The following TMEM117 variants were observed in gnomAD, a reference collection of about 807,000 sequenced individuals.
TMEM117 encodes the protein transmembrane protein 117.
A neutral mutation model predicts 52.4 loss-of-function variants in TMEM117; 27 were observed. That is an observed-to-expected ratio of 0.51 (90% CI 0.38 to 0.71). The LOEUF (loss-of-function observed/expected upper bound fraction) is 0.71. Ranked by LOEUF, TMEM117 falls within the 30% of genes least tolerant of loss-of-function variation. TMEM117 has a pLI of 0.00. For missense variants in TMEM117, 556 were observed against 630.5 expected (o/e 0.88, Z 1.26); for synonymous variants, 215 against 206.3 (o/e 1.04, Z -0.36).
At chr12:44,241,024 G>T (rs1287524679) in intron 5 of TMEM117, among the ~76,000 whole-genome samples, 2 of 151,952 alleles carry the variant, frequency 1.3e-5, no homozygotes, top group African/African-American at 4.8e-5. Context: ...CAGAGCCCTT[G>T]TGGATACCAA....
At chr12:43,806,424 C>G in the TMEM117 span, 1 of 1,138,448 alleles carries the variant, frequency 8.8e-7, no homozygotes. Context: ...CGCCGCCCTT[C>G]CTGGCCGCCG....
At chr12:43,888,543 C>CTTTTTT (rs147186370) in intron 2 of TMEM117, among the ~76,000 whole-genome samples, 17 of 92,172 alleles carry the variant, frequency 1.8e-4, no homozygotes, top group African/African-American at 4.9e-4. Context: ...CATTAGTTTT[C>CTTTTTT]TTTTTTTTTT....
At chr12:44,158,502 A>G (rs1267112249) in intron 4 of TMEM117, among the ~76,000 whole-genome samples, 1 of 152,186 alleles carries the variant, frequency 6.6e-6, no homozygotes, top group Non-Finnish European at 1.5e-5. Flanking sequence ...GGCTAAAAAT[A>G]TAGTTTGACA....
At chr12:44,182,796 A>T (rs1304325254) in intron 4 of TMEM117, among the ~76,000 whole-genome samples, 1 of 152,136 alleles carries the variant, frequency 6.6e-6, no homozygotes, top group Non-Finnish European at 1.5e-5. Context: ...TGATTGGCAA[A>T]AGTGTGATGA....
chr12:43,800,201 T>G, the TMEM117 span, among the ~76,000 whole-genome samples: 1 of 152,210 alleles, frequency 6.6e-6, no homozygotes, highest in East Asian at 1.9e-4. Flanking sequence ...CCATATACTT[T>G]AGAAGAATCA....
chr12:43,852,965 C>G (rs1444152337), intron 2 of TMEM117, among the ~76,000 whole-genome samples: 1 of 152,192 alleles, frequency 6.6e-6, no homozygotes, highest in African/African-American at 2.4e-5. Context: ...TTAGCTGAAA[C>G]TGGAGTGGTT....
intron 2 of TMEM117, among the ~76,000 whole-genome samples, chr12:43,851,437 C>G (rs1037707652): frequency 6.6e-6 from 1 of 151,936 alleles, no homozygotes; most frequent in Non-Finnish European, 1.5e-5. Context: ...TCCAGTACCT[C>G]TCTCTCTCAT....
intron 6 of TMEM117, 93 bp from the exon 7 acceptor site, chr12:44,376,502 T>A: frequency 2.7e-6 from 4 of 1,468,868 alleles, no homozygotes; most frequent in Non-Finnish European, 9.4e-7. Context: ...TAAATGATTT[T>A]AAAATAAGTG....
At chr12:43,808,972 GAAAAC>G in the TMEM117 span, among the ~76,000 whole-genome samples, 21,485 of 151,968 alleles carry the variant, frequency 0.14, 1,626 homozygotes, top group African/African-American at 0.19. Context: ...AATTATGTAG[GAAAAC>G]AAAACAAAAA....
At chr12:44,038,513 C>T (rs150997483) in intron 3 of TMEM117, among the ~76,000 whole-genome samples, 19 of 152,334 alleles carry the variant, frequency 1.2e-4, no homozygotes, top group Non-Finnish European at 2.6e-4. Context: ...TCACACACCC[C>T]TCACCACTCG....
chr12:43,942,007 A>G (rs1443084274), intron 2 of TMEM117, among the ~76,000 whole-genome samples: 1 of 152,270 alleles, frequency 6.6e-6, no homozygotes, highest in Non-Finnish European at 1.5e-5. Flanking sequence ...AAAGAAATTT[A>G]CATTTAAATC....
At chr12:44,392,623 T>C (rs543564471), downstream of TMEM117, among the ~76,000 whole-genome samples, 52 of 151,894 alleles carry the variant, frequency 3.4e-4, no homozygotes, top group Admixed American at 6.6e-4. Context: ...GCTGCACCCA[T>C]TAACTCGTCA....
intron 2 of TMEM117, among the ~76,000 whole-genome samples, chr12:43,860,104 A>G (rs1943464365): frequency 6.6e-6 from 1 of 152,192 alleles, no homozygotes; most frequent in South Asian, 2.1e-4. Flanking sequence ...TACACGTGCC[A>G]TGGTGGTTTG....
intron 3 of TMEM117, among the ~76,000 whole-genome samples, chr12:43,962,032 T>C (rs1403769844): frequency 2.0e-5 from 3 of 152,124 alleles, no homozygotes; most frequent in African/African-American, 7.2e-5. Context: ...GTTAACAGAG[T>C]CCTATTAAGA....
intron 6 of TMEM117, among the ~76,000 whole-genome samples, chr12:44,348,556 T>C (rs1345378853): frequency 6.6e-6 from 1 of 152,038 alleles, no homozygotes; most frequent in Non-Finnish European, 1.5e-5. Flanking sequence ...ATTTGCTATC[T>C]CAGAACTGTA....
intron 7 of TMEM117, among the ~76,000 whole-genome samples, chr12:44,377,268 G>T (rs1951955298): frequency 6.6e-6 from 1 of 152,126 alleles, no homozygotes; most frequent in African/African-American, 2.4e-5. Flanking sequence ...TCACCACATA[G>T]AACTCAGTAT....
At chr12:44,004,345 C>T (rs552733169) in intron 3 of TMEM117, among the ~76,000 whole-genome samples, 5 of 152,248 alleles carry the variant, frequency 3.3e-5, no homozygotes, top group East Asian at 3.9e-4. Context: ...TCTAGTACAT[C>T]CTTGAATTTT....
At chr12:43,972,423 A>G (rs1157130675) in intron 3 of TMEM117, among the ~76,000 whole-genome samples, 1 of 152,320 alleles carries the variant, frequency 6.6e-6, no homozygotes, top group East Asian at 1.9e-4. Context: ...CCAAAGAGTG[A>G]GCAGCAGCAG....
At chr12:43,965,530 G>A (rs1945470217) in intron 3 of TMEM117, among the ~76,000 whole-genome samples, 1 of 152,222 alleles carries the variant, frequency 6.6e-6, no homozygotes, top group Non-Finnish European at 1.5e-5. Flanking sequence ...TCAAGAGGGA[G>A]TCAAAACAGG....
Sources: allele counts gnomAD v4.1 joint callset (sites outside exome capture counted in the v4.1 genomes callset), GRCh38; gene constraint gnomAD v4.1.1; transcripts MANE v1.5; gene names NCBI Gene and HGNC (gene_info 2026-07-23, HGNC 2026-07-21).